CHCHD3: variants seen among roughly 807,000 people sequenced by gnomAD.
CHCHD3 encodes the protein MICOS complex subunit MIC19.
In CHCHD3, 20 loss-of-function variants were observed where a neutral mutation model predicts 38.2. The ratio of observed to expected loss-of-function variants is 0.52; its 90% confidence interval spans 0.37 to 0.76. The LOEUF (loss-of-function observed/expected upper bound fraction) is 0.76, where lower values mean the gene tolerates loss of function less well. CHCHD3 is among the 30% of genes least tolerant of loss of function. CHCHD3 has a pLI of 0.00. For synonymous variants in CHCHD3, 82 were observed against 100.0 expected (o/e 0.82, Z 1.07); for missense variants, 245 against 279.2 (o/e 0.88, Z 0.87).
chr7:132,887,029 C>G (rs748189884), intron 4 of CHCHD3: 17 of 1,119,598 alleles, frequency 1.5e-5, no homozygotes, highest in Non-Finnish European at 1.8e-5. Context: ...TATTTAACAA[C>G]ATAAGTACTG....
chr7:132,894,064 G>A (rs1217449147), intron 4 of CHCHD3, among the ~76,000 whole-genome samples: 1 of 152,078 alleles, frequency 6.6e-6, no homozygotes, highest in African/African-American at 2.4e-5. Flanking sequence ...GGAGGTTGTT[G>A]GAGTACACAA....
At chr7:132,986,041 T>A (rs1268578645) in intron 3 of CHCHD3, among the ~76,000 whole-genome samples, 1 of 150,504 alleles carries the variant, frequency 6.6e-6, no homozygotes, top group East Asian at 2.0e-4. Context: ...GGGAGACTTT[T>A]CATTTTGTTC....
intron 2 of CHCHD3, among the ~76,000 whole-genome samples, chr7:133,064,419 T>C (rs986498197): frequency 6.6e-6 from 1 of 152,170 alleles, no homozygotes; most frequent in Non-Finnish European, 1.5e-5. Flanking sequence ...GTTTCACATA[T>C]TAAAAGTTGG....
intron 5 of CHCHD3, among the ~76,000 whole-genome samples, chr7:132,864,037 C>A (rs1808555097): frequency 6.6e-6 from 1 of 152,192 alleles, no homozygotes; most frequent in Non-Finnish European, 1.5e-5. Context: ...ACTGGAGTAG[C>A]ACTTTTAATT....
intron 1 of CHCHD3, among the ~76,000 whole-genome samples, chr7:133,078,307 CAAAT>C (rs1294615914): frequency 3.3e-5 from 5 of 152,226 alleles, no homozygotes; most frequent in Admixed American, 2.6e-4. Context: ...AGACTCGTCT[CAAAT>C]AAATAAATAA....
intron 5 of CHCHD3, among the ~76,000 whole-genome samples, chr7:132,852,686 G>A (rs1352267728): frequency 7.9e-5 from 12 of 152,110 alleles, no homozygotes; most frequent in African/African-American, 1.9e-4. Context: ...GTGGGAACAA[G>A]AATGCTTTCC....
intron 1 of CHCHD3, 98 bp downstream of exon 1, chr7:133,081,759 C>T: frequency 8.1e-7 from 1 of 1,231,936 alleles, no homozygotes; most frequent in Non-Finnish European, 1.2e-6. Flanking sequence ...ACGCTAGGGT[C>T]CAGGACGGGA....
At chr7:132,899,209 G>T (rs1364768377) in intron 4 of CHCHD3, among the ~76,000 whole-genome samples, 2 of 152,204 alleles carry the variant, frequency 1.3e-5, no homozygotes, top group African/African-American at 4.8e-5. Context: ...ATGGGGGCAT[G>T]TGTGGGAAGG....
intron 4 of CHCHD3, 92 bp from the exon 5 acceptor site, chr7:132,885,837 C>T (rs1485450739): frequency 3.4e-6 from 3 of 879,440 alleles, no homozygotes; most frequent in African/African-American, 3.5e-5. Context: ...AATAAGAATA[C>T]AAATCTGAAG....
At chr7:132,890,660 G>T (rs952883234) in intron 4 of CHCHD3, among the ~76,000 whole-genome samples, 10 of 151,252 alleles carry the variant, frequency 6.6e-5, no homozygotes, top group Non-Finnish European at 1.5e-4. Flanking sequence ...AATAGCTCAG[G>T]GTAAAAAACA....
intron 4 of CHCHD3, among the ~76,000 whole-genome samples, chr7:132,910,949 A>G (rs1226127603): frequency 6.6e-6 from 1 of 152,228 alleles, no homozygotes; most frequent in Non-Finnish European, 1.5e-5. Flanking sequence ...GCTAAGGGTG[A>G]AAGAGTAACA....
intron 2 of CHCHD3, among the ~76,000 whole-genome samples, chr7:133,050,340 T>TAAAAAAAAAAAAAA (rs35635002): frequency 3.1e-5 from 1 of 31,808 alleles, no homozygotes; most frequent in Non-Finnish European, 6.3e-5. Context: ...GGCTGTGTCT[T>TAAAAAAAAAAAAAA]AAAAAAAAAA....
rs568786841 is a variant in CHCHD3 at position 132,919,377 on chromosome 7, CT to C, written c.370-33633del. On this transcript the variant is annotated intron_variant, in intron 4 of 7. Transcript: ENST00000262570. ...CCGCCCGCCTCGGCCTCCCAAAGTGCTGGGATTACAGGCGTGAGCCACTGTG... is the reference window on the plus strand; with the variant it reads ...CCGCCCGCCTCGGCCTCCCAAAGTGCGGGATTACAGGCGTGAGCCACTGTG... Among the ~76,000 whole-genome samples the C allele has an allele frequency of 3.9e-5, 6 of 152,230 alleles. No homozygotes were observed. The South Asian group carries it at 1.2e-3, about 32-fold the overall frequency.
intron 5 of CHCHD3, among the ~76,000 whole-genome samples, chr7:132,873,554 C>T (rs1808821319): frequency 6.6e-6 from 1 of 151,944 alleles, no homozygotes; most frequent in South Asian, 2.1e-4. Context: ...GCTGGGACTA[C>T]AGGCGGGTGC....
chr7:132,864,796 T>C (rs951061143), intron 5 of CHCHD3, among the ~76,000 whole-genome samples: 3 of 152,200 alleles, frequency 2.0e-5, no homozygotes, highest in Non-Finnish European at 4.4e-5. Context: ...GGCAATATGA[T>C]GAACCTGGAT....
chr7:132,819,490 T>C (rs1807288852), intron 6 of CHCHD3, among the ~76,000 whole-genome samples: 1 of 152,180 alleles, frequency 6.6e-6, no homozygotes. Flanking sequence ...ATGGACATTT[T>C]ATAAGAGTTC....
chr7:132,801,570 C>A (rs1806795403), intron 6 of CHCHD3, among the ~76,000 whole-genome samples: 1 of 152,164 alleles, frequency 6.6e-6, no homozygotes, highest in South Asian at 2.1e-4. Context: ...TGCCAAGCAG[C>A]CTCCACTGTT....
chr7:132,822,991 T>C (rs1378281907), intron 6 of CHCHD3, among the ~76,000 whole-genome samples: 1 of 152,240 alleles, frequency 6.6e-6, no homozygotes, highest in African/African-American at 2.4e-5. Flanking sequence ...CAGGGGGATG[T>C]ATCCATAATA....
chr7:132,908,639 A>G (rs1809858423), intron 4 of CHCHD3, among the ~76,000 whole-genome samples: 1 of 152,160 alleles, frequency 6.6e-6, no homozygotes, highest in Non-Finnish European at 1.5e-5. Context: ...GAAAGTCACA[A>G]GCATAAGCCC....
Sources: gnomAD v4.1 joint callset for allele counts (sites outside exome capture counted in the v4.1 genomes callset) on GRCh38, gnomAD v4.1.1 for gene constraint, MANE v1.5 for transcripts, NCBI Gene and HGNC (gene_info 2026-07-23, HGNC 2026-07-21) for gene names.